The following PHC3 variants were observed in gnomAD, a reference collection of about 807,000 sequenced individuals.
PHC3 encodes polyhomeotic-like protein 3.
A neutral mutation model predicts 107.4 loss-of-function variants in PHC3; 13 were observed. That is an observed-to-expected ratio of 0.12 (90% CI 0.08 to 0.19). PHC3 has a LOEUF of 0.19. PHC3 is among the 10% of genes least tolerant of loss of function. The pLI is 1.00. For synonymous variants in PHC3, 456 were observed against 427.4 expected, an observed-to-expected ratio of 1.07 and a Z score of -0.83; for missense variants, 992 against 1,210.9, an observed-to-expected ratio of 0.82 and a Z score of 2.68.
intron 4 of PHC3, among the ~76,000 whole-genome samples, chr3:170,164,068 G>A (rs1159643910): frequency 1.3e-5 from 2 of 151,930 alleles, no homozygotes; most frequent in African/African-American, 4.8e-5. Context: ...TGGGTGTGGA[G>A]GCATGCACCC....
Position 170,156,479 on chromosome 3 carries a change from T to C in PHC3, c.415-7235A>G, listed in dbSNP as rs1206532671. ...CCATGTTGGCCAGGTCTCGAACTCC[T>C]GACCTGAAGTGATCTACCCACCTCG... On this transcript the variant is annotated intron_variant, in intron 4 of 14. Transcript: ENST00000495893. 5.9e-5 allele frequency among the ~76,000 whole-genome samples: 9 copies of C among 152,312 alleles called. No individual in the cohort carries two copies. In the East Asian group the frequency reaches 1.7e-3, roughly 29 times the overall value.
At position 170,122,667 on chromosome 3, in the gene PHC3, T is replaced by C. The variant is rs1362859350; in HGVS notation, c.1866A>G (p.Pro622=). Residue 622 remains proline, a synonymous_variant, in exon 9 of 15, where the codon CCA becomes CCG. Transcript: ENST00000495893. ...CTGCTGGAGACAAAGTGGGTGGTGG[T>C]GGGGTTCTATCCATCCGGACACATT... ...SDECVRMDRT[P]PPPTLSPAAI... The C allele has an allele frequency of 1.2e-6, 2 of 1,613,920 alleles. No homozygotes were observed. The highest frequency in any genetic ancestry group is 2.2e-5 in the East Asian group (1 of 44,882).
chr3:170,089,481 A>G lies in PHC3; in HGVS notation c.*7749T>C, dbSNP rs143239407. On this transcript the variant is annotated 3_prime_UTR_variant, in exon 15 of 15. Transcript: ENST00000495893. The stretch of plus-strand genomic sequence containing the variant: ...TTTCTAGAATATTACTGATTCTTAC[A>G]TATCTTTAAAAGTTGGATATTTGTA... The G allele has an allele frequency of 6.1e-4, 93 of 152,336 alleles. 1 individual carries two copies. Among genetic ancestry groups the G allele is most frequent in the African/African-American group, 2.1e-3 (86 of 41,588 alleles). 9.4% of individuals were successfully genotyped at this position (152,336 alleles called of 1,614,324 possible). A position where few individuals can be genotyped will look rare whatever the true frequency, so the allele number is the denominator to read the frequency against.
rs1225446113 is a variant in PHC3 at position 170,129,097 on chromosome 3, T to A, written c.1375A>T (p.Thr459Ser). The A allele has an allele frequency of 1.2e-6, 2 of 1,612,582 alleles. No individual in the cohort carries two copies. Among genetic ancestry groups the A allele is most frequent in the Non-Finnish European group, 1.7e-6 (2 of 1,179,210 alleles). The change falls in exon 8 of 15, where the codon ACA becomes TCA. Residue 459 changes from threonine (T) to serine (S), a missense_variant. Coordinates refer to ENST00000495893, the MANE Select transcript of PHC3 (RefSeq NM_024947.4). ...TGGGATGGAAGATTCAACTGTGCTG[T>A]AGCTTGCACCTGATTAGCAGTGGAC... ...QQSTANQVQA[T>S]AQLNLPSHLP...
intron 4 of PHC3, among the ~76,000 whole-genome samples, chr3:170,164,357 T>G (rs1728402198): frequency 6.6e-6 from 1 of 152,134 alleles, no homozygotes; most frequent in Non-Finnish European, 1.5e-5. Context: ...ATTTAGACAA[T>G]ATAAAAATTA....
intron 8 of PHC3, among the ~76,000 whole-genome samples, chr3:170,126,502 A>ATGTGTG (rs1201042423): frequency 3.2e-5 from 4 of 123,078 alleles, no homozygotes; most frequent in African/African-American, 1.3e-4. Context: ...TATGCTCCAT[A>ATGTGTG]TGTATATATA....
chr3:170,171,542 G>C lies in PHC3; in HGVS notation c.337-92C>G. The C allele has an allele frequency of 4.7e-6, 4 of 854,036 alleles. No homozygotes were observed. The South Asian group carries it at 7.1e-5, about 15-fold the overall frequency. The allele number at this position is 854,036 out of a possible 1,614,324, so 52.9% of individuals were successfully genotyped here. ...ATAACACAAAACCACAACAATAAATGTCAAAAGGCCTATGTATGAAACAAC... is the reference window on the plus strand; with the variant it reads ...ATAACACAAAACCACAACAATAAATCTCAAAAGGCCTATGTATGAAACAAC... On this transcript the variant is annotated intron_variant, in intron 3 of 14. Coordinates refer to ENST00000495893, the MANE Select transcript of PHC3 (RefSeq NM_024947.4).
At chr3:170,166,882 T>C (rs968880353) in intron 4 of PHC3, among the ~76,000 whole-genome samples, 3 of 152,072 alleles carry the variant, frequency 2.0e-5, no homozygotes, top group African/African-American at 7.2e-5. Context: ...CTCAAACTGC[T>C]AGACTCAAGT....
At chr3:170,136,321 A>G in intron 7 of PHC3, 98 bp downstream of exon 7, 1 of 1,382,696 alleles carries the variant, frequency 7.2e-7, no homozygotes, top group Non-Finnish European at 9.9e-7. Flanking sequence ...AATGTTTTAA[A>G]GGTGTCACTC....
intron 12 of PHC3, 129 bp downstream of exon 12, chr3:170,106,703 T>C: frequency 5.9e-6 from 3 of 510,880 alleles, no homozygotes; most frequent in Non-Finnish European, 6.8e-6. Context: ...TAATAATATC[T>C]AGGTTTCTTC....
intron 11 of PHC3, among the ~76,000 whole-genome samples, chr3:170,111,912 T>C (rs554983448): frequency 6.6e-6 from 1 of 151,976 alleles, no homozygotes; most frequent in African/African-American, 2.4e-5. Context: ...GTGAATAAAT[T>C]AATTTTAATG....
At chr3:170,111,333 A>C (rs199503033) in intron 11 of PHC3, among the ~76,000 whole-genome samples, 164 of 133,002 alleles carry the variant, frequency 1.2e-3, no homozygotes, top group Non-Finnish European at 1.6e-3. Context: ...AACGAACGAA[A>C]GAACAAAAGA....
Position 170,129,251 on chromosome 3 carries a change from A to T in PHC3, c.1221T>A (p.Ser407=). The change falls in exon 8 of 15, where the codon TCT becomes TCA. Residue 407 remains serine (S), a synonymous_variant. Transcript: ENST00000495893. ...SPNQSQSAQQ[S]VVVSPPPPHS... is the part of the protein sequence containing the mutation. ...GAGGTGGTGGAGGAGACACCACTAC[A>T]GACTGCTGTGCTGACTGTGACTGAT... The T allele has an allele frequency of 6.2e-7, 1 of 1,613,836 alleles. No individual in the cohort carries two copies. Among genetic ancestry groups the T allele is most frequent in the Non-Finnish European group, 8.5e-7 (1 of 1,179,738 alleles).
In PHC3 at chr3:170,129,458, T is replaced by C; in HGVS notation, c.1014A>G (p.Ile338Met). 3 of 1,613,932 alleles carry C rather than the reference T, an allele frequency of 1.9e-6. No individual in the cohort carries two copies. Among genetic ancestry groups the C allele is most frequent in the Non-Finnish European group, 2.5e-6 (3 of 1,179,856 alleles). Residue 338 changes from isoleucine (I) to methionine (M), a missense_variant, in exon 8 of 15, where the codon ATA (isoleucine) becomes ATG (methionine). Ile to Met is a conservative substitution (Grantham distance 10, BLOSUM62 1). Around this residue, in one of 6 missense-constraint regions of PHC3, gnomAD observed 543 missense variants for 590.8 expected, o/e 0.92. Coordinates refer to ENST00000495893, the MANE Select transcript of PHC3 (RefSeq NM_024947.4). Reference sequence around the variant, plus strand: ...GAATTTGCTGTTGCTGCTGTTGTAATATCAGCTGATGATGGGAAACTTTGG... The same window carrying C: ...GAATTTGCTGTTGCTGCTGTTGTAACATCAGCTGATGATGGGAAACTTTGG... ...PPSKVSHHQL[I>M]LQQQQQQIQP... is the part of the protein sequence containing the mutation.
chr3:170,122,009 T>C (rs543866025), intron 9 of PHC3, among the ~76,000 whole-genome samples: 6 of 152,216 alleles, frequency 3.9e-5, no homozygotes, highest in African/African-American at 1.4e-4. Context: ...TCCCAGCACT[T>C]TGGGAAGCCG....
At position 170,159,219 on chromosome 3, in the gene PHC3, T is replaced by C. The variant is rs1454631937; in HGVS notation, c.415-9975A>G. Among the ~76,000 whole-genome samples the C allele has an allele frequency of 7.1e-5, 9 of 127,372 alleles. No individual in the cohort carries two copies. The East Asian group carries it at 1.9e-3, about 26-fold the overall frequency. 83.6% of individuals were successfully genotyped at this position (127,372 alleles called of 152,430 possible). A position where few individuals can be genotyped will look rare whatever the true frequency, so the allele number is the denominator to read the frequency against. ...GTGAGCCGAGATCACGCCACTGCAC[T>C]CCAGCCTGGAAGACAGAGCGAGACT... On this transcript the variant is annotated intron_variant, in intron 4 of 14. Transcript: ENST00000495893.
At chr3:170,103,376 G>A (rs1056740101) in intron 12 of PHC3, among the ~76,000 whole-genome samples, 11 of 152,086 alleles carry the variant, frequency 7.2e-5, no homozygotes, top group African/African-American at 2.7e-4. Context: ...TAATATACTA[G>A]GGAGAGGATC....
chr3:170,114,774 C>G (rs1301207395), intron 10 of PHC3, among the ~76,000 whole-genome samples: 4 of 152,174 alleles, frequency 2.6e-5, no homozygotes, highest in African/African-American at 9.7e-5. Flanking sequence ...CATCTTATTC[C>G]TCAAGAATGC....
intron 11 of PHC3, among the ~76,000 whole-genome samples, chr3:170,107,866 T>C (rs1716869607): frequency 6.6e-6 from 1 of 151,760 alleles, no homozygotes; most frequent in Non-Finnish European, 1.5e-5. Context: ...TCGGCAGGAG[T>C]CACCCATAAG....
Sources: gnomAD v4.1 joint callset for allele counts (sites outside exome capture counted in the v4.1 genomes callset) on GRCh38, gnomAD v4.1.1 for gene constraint, gnomAD v4.1.1 regional missense constraint, MANE v1.5 for transcripts, NCBI Gene and HGNC (gene_info 2026-07-23, HGNC 2026-07-21) for gene names.